The following CIB1 variants were observed in gnomAD, a reference collection of about 807,000 sequenced individuals.
The protein encoded by CIB1 is calcium and integrin binding 1.
Under a neutral mutation model 25.0 loss-of-function variants are expected in CIB1, and 19 were observed. That is an observed-to-expected ratio of 0.76 (90% CI 0.53 to 1.12). The LOEUF is 1.12. Among genes scored for constraint, CIB1 ranks in the 50% most tolerant of loss-of-function variants. CIB1 has a pLI of 0.00. For missense variants in CIB1, 236 were observed against 242.6 expected (o/e 0.97, Z 0.18); for synonymous variants, 104 against 98.5 (o/e 1.06, Z -0.33).
chr15:90,264,959 T>C, the CIB1 span: 1 of 1,535,290 alleles, frequency 6.5e-7, no homozygotes, highest in East Asian at 2.4e-5. Flanking sequence ...CATCAATCAG[T>C]TCAGGTAAAA....
the CIB1 span, chr15:90,249,453 G>C: frequency 1.3e-5 from 2 of 152,244 alleles, no homozygotes; most frequent in African/African-American, 4.8e-5. Context: ...GCCTCGGCCC[G>C]CGCCCAAGTG....
At chr15:90,254,854 G>A in the CIB1 span, among the ~76,000 whole-genome samples, 3 of 150,858 alleles carry the variant, frequency 2.0e-5, no homozygotes, top group African/African-American at 7.4e-5. Flanking sequence ...TCAGGGAAGG[G>A]GGAAAAAAAA....
At chr15:90,240,945 T>G in the CIB1 span, 16 of 1,614,132 alleles carry the variant, frequency 9.9e-6, no homozygotes, top group South Asian at 1.6e-4. Flanking sequence ...AACTTCCTAT[T>G]TGCTGCCTCC....
At chr15:90,262,435 AC>A in the CIB1 span, 1 of 1,421,952 alleles carries the variant, frequency 7.0e-7, no homozygotes, top group Non-Finnish European at 9.2e-7. Context: ...ATTTTTCCTC[AC>A]CCCTCTTCTC....
At chr15:90,254,091 A>G in the CIB1 span, among the ~76,000 whole-genome samples, 10 of 152,154 alleles carry the variant, frequency 6.6e-5, no homozygotes, top group African/African-American at 2.2e-4. Context: ...AGGTGGATCA[A>G]TTCAGGTCAG....
At chr15:90,253,197 G>A in the CIB1 span, 1 of 1,493,570 alleles carries the variant, frequency 6.7e-7, no homozygotes, top group East Asian at 2.3e-5. Context: ...CACAGTTCCA[G>A]GGCTTGTTGC....
At chr15:90,263,853 TCCAGTTC>T in the CIB1 span, 2 of 848,848 alleles carry the variant, frequency 2.4e-6, no homozygotes, top group African/African-American at 3.3e-5. Flanking sequence ...ATTTCCTGCA[TCCAGTTC>T]TGCCCCATGA....
the CIB1 span, among the ~76,000 whole-genome samples, chr15:90,250,190 C>T: frequency 6.6e-6 from 1 of 151,998 alleles, no homozygotes; most frequent in Admixed American, 6.6e-5. Context: ...AACTCCAGAC[C>T]TCAAGTGATC....
chr15:90,248,709 ACC>A, the CIB1 span, among the ~76,000 whole-genome samples: 5 of 111,300 alleles, frequency 4.5e-5, no homozygotes, highest in African/African-American at 6.8e-5. Context: ...ACAAAGCAAG[ACC>A]CTGTCTCAAA....
chr15:90,265,446 T>G, the CIB1 span: 1 of 1,326,766 alleles, frequency 7.5e-7, no homozygotes, highest in Non-Finnish European at 9.6e-7. Flanking sequence ...GGAAACGGAA[T>G]CCGTACTTTA....
the CIB1 span, among the ~76,000 whole-genome samples, chr15:90,239,103 A>G: frequency 6.6e-6 from 1 of 152,212 alleles, no homozygotes; most frequent in Non-Finnish European, 1.5e-5. Context: ...AACTAGCTAC[A>G]ACCTATATAA....
chr15:90,251,689 GC>G, the CIB1 span: 122 of 1,424,590 alleles, frequency 8.6e-5, no homozygotes, highest in African/African-American at 1.4e-3. Flanking sequence ...CAGGCTTCCA[GC>G]CCCTGGGGCC....
chr15:90,240,107 C>CCCTAT, the CIB1 span, among the ~76,000 whole-genome samples: 3,663 of 152,118 alleles, frequency 0.024, 141 homozygotes, highest in African/African-American at 0.08. Context: ...CCTATAATCC[C>CCCTAT]AGCTACTTGG....
chr15:90,239,238 TAA>T, the CIB1 span, among the ~76,000 whole-genome samples: 1 of 151,672 alleles, frequency 6.6e-6, no homozygotes, highest in Admixed American at 6.6e-5. Flanking sequence ...GTTTCTCCAT[TAA>T]AAAAATTTAC....
chr15:90,242,252 GCTTTT>G, the CIB1 span: 2 of 219,906 alleles, frequency 9.1e-6, no homozygotes, highest in Non-Finnish European at 7.3e-6. Flanking sequence ...CACACACCTG[GCTTTT>G]TTTTTTTTTT....
chr15:90,241,796 G>A, the CIB1 span: 838 of 1,614,174 alleles, frequency 5.2e-4, 4 homozygotes, highest in African/African-American at 9.7e-3. Flanking sequence ...GGGGAGCTCC[G>A]CCGGGAAAGA....
chr15:90,247,298 CTTTTTT>C, the CIB1 span, among the ~76,000 whole-genome samples: 13 of 134,302 alleles, frequency 9.7e-5, 1 homozygote, highest in African/African-American at 3.7e-4. Flanking sequence ...TTTCTTTTTT[CTTTTTT>C]TTTTTTTTTT....
chr15:90,241,888 CTT>C, the CIB1 span: 1 of 1,614,128 alleles, frequency 6.2e-7, no homozygotes, highest in Non-Finnish European at 8.5e-7. Context: ...GACGGTGAAG[CTT>C]TCAATGTTGC....
At chr15:90,235,549 G>C (rs3935948), upstream of CIB1, among the ~76,000 whole-genome samples, 29,392 of 151,912 alleles carry the variant, frequency 0.19, 3,031 homozygotes, top group Middle Eastern at 0.24. Flanking sequence ...CTAGGGTATA[G>C]GCCCATCCCA....
Sources: gnomAD v4.1 joint callset for allele counts (sites outside exome capture counted in the v4.1 genomes callset) on GRCh38, gnomAD v4.1.1 for gene constraint, MANE v1.5 for transcripts, NCBI Gene and HGNC (gene_info 2026-07-23, HGNC 2026-07-21) for gene names.